Variants in DPYSL5 observed in about 807,000 individuals in gnomAD.
DPYSL5 encodes dihydropyrimidinase like 5, also known as dihydropyrimidinase-related protein 5.
In DPYSL5, 9 loss-of-function variants were observed where a neutral mutation model predicts 58.4. The ratio of observed to expected loss-of-function variants is 0.15; its 90% CI spans 0.09 to 0.27. The LOEUF (loss-of-function observed/expected upper bound fraction) is 0.27. Ranked by LOEUF, DPYSL5 falls within the 10% of genes least tolerant of loss-of-function variation. The pLI is 1.00. For missense variants in DPYSL5, 499 were observed against 770.6 expected (o/e 0.65, Z 4.17); for synonymous variants, 293 against 301.9 (o/e 0.97, Z 0.31).
In DPYSL5 at chr2:26,927,861, A is replaced by C. The variant is rs116628593; in HGVS notation, c.601-394A>C. Among the ~76,000 whole-genome samples, 738 of 152,318 alleles carry C rather than the reference A, an allele frequency of 4.8e-3. 6 individuals carry two copies. The highest frequency in any genetic ancestry group is 0.017 in the African/African-American group (701 of 41,570). ...ACCAGGAAGGATAAGCCTCTGGTGC[A>C]TTCTCCTAGGTCTTGGGGTAAGGGC... On this transcript the variant is annotated intron_variant, in intron 4 of 12. Coordinates refer to ENST00000288699, the MANE Select transcript of DPYSL5 (RefSeq NM_020134.4). This position sits in a 1 kb window ranked among gnomAD's most constrained non-coding sequence, Gnocchi z 4.3.
At chr2:26,863,645 A>G (rs1666072510) in intron 1 of DPYSL5, among the ~76,000 whole-genome samples, 1 of 152,180 alleles carries the variant, frequency 6.6e-6, no homozygotes, top group South Asian at 2.1e-4. Flanking sequence ...AGTCATCACC[A>G]TAGTCTAAAT....
intron 1 of DPYSL5, among the ~76,000 whole-genome samples, chr2:26,859,145 T>C (rs576459867): frequency 6.6e-6 from 1 of 152,230 alleles, no homozygotes; most frequent in African/African-American, 2.4e-5. Flanking sequence ...TGGAATGTAC[T>C]AGATTCCATT....
Position 26,942,496 on chromosome 2 carries a change from T to G in DPYSL5, c.1233-47T>G. On this transcript the variant is annotated intron_variant, in intron 10 of 12. Coordinates refer to ENST00000288699, the MANE Select transcript of DPYSL5 (RefSeq NM_020134.4). This position sits in a 1 kb window ranked among gnomAD's most constrained non-coding sequence, Gnocchi z 5.9. ...ACCCCTCCCATGGAGCTGTGACATT[T>G]TGACCTGTCCTCAGCGCTTTCTCTC... The G allele has an allele frequency of 6.4e-7, 1 of 1,573,228 alleles. No individual in the cohort carries two copies. Among genetic ancestry groups the G allele is most frequent in the Non-Finnish European group, 8.7e-7 (1 of 1,155,706 alleles).
At chr2:26,860,385 G>C (rs776013769) in intron 1 of DPYSL5, among the ~76,000 whole-genome samples, 1 of 152,214 alleles carries the variant, frequency 6.6e-6, no homozygotes, top group Non-Finnish European at 1.5e-5. Context: ...ATGCTGTCCT[G>C]ACTGCTTTGA....
intron 2 of DPYSL5, among the ~76,000 whole-genome samples, chr2:26,912,813 C>T (rs1057232917): frequency 3.3e-5 from 5 of 152,352 alleles, no homozygotes; most frequent in Non-Finnish European, 7.3e-5. Context: ...TCTCAGTTTT[C>T]GCCCTGTAAT....
intron 1 of DPYSL5, among the ~76,000 whole-genome samples, chr2:26,864,796 G>C (rs545627918): frequency 6.6e-6 from 1 of 152,268 alleles, no homozygotes; most frequent in South Asian, 2.1e-4. Context: ...GCAGGGGAGA[G>C]GGGGACAGAC....
rs140192271 is a variant in DPYSL5 at position 26,932,856 on chromosome 2, G to A, written c.715-402G>A. ...AAGCAGCCTTCAGACAGCAGGCATCGTAATTTTAGATACAGAATACACGAC... is the reference window on the plus strand; with the variant it reads ...AAGCAGCCTTCAGACAGCAGGCATCATAATTTTAGATACAGAATACACGAC... On this transcript the variant is annotated intron_variant, in intron 6 of 12. Transcript: ENST00000288699. Among the ~76,000 whole-genome samples, 307 of 152,270 alleles carry A rather than the reference G, an allele frequency of 2.0e-3. 1 individual carries two copies. The highest frequency in any genetic ancestry group is 6.8e-3 in the African/African-American group (283 of 41,540).
At position 26,905,899 on chromosome 2, in the gene DPYSL5, G is replaced by A. The variant is rs1028784499; in HGVS notation, c.261+7139G>A. 6.6e-6 allele frequency among the ~76,000 whole-genome samples: 1 copy of A among 152,152 alleles called. No individual in the cohort carries two copies. Among genetic ancestry groups the A allele is most frequent in the Non-Finnish European group, 1.5e-5 (1 of 68,030 alleles). On this transcript the variant is annotated intron_variant, in intron 2 of 12. Coordinates refer to ENST00000288699, the MANE Select transcript of DPYSL5 (RefSeq NM_020134.4). The surrounding 1 kb of genome is among the most constrained non-coding windows in gnomAD (Gnocchi z 4.0). ...GACTAGGTCTTCGGCTCAGAGCCTC[G>A]CAAGCCGCCATCCAGGTGTCAATGG...
intron 6 of DPYSL5, among the ~76,000 whole-genome samples, chr2:26,932,207 GA>G (rs111866761): frequency 0.011 from 400 of 35,656 alleles, 12 homozygotes; most frequent in African/African-American, 0.015. Flanking sequence ...AAGAAAGAAA[GA>G]AAAGAAAGAA....
chr2:26,868,657 T>C (rs1169549595), intron 1 of DPYSL5, among the ~76,000 whole-genome samples: 1 of 152,242 alleles, frequency 6.6e-6, no homozygotes, highest in Non-Finnish European at 1.5e-5. Flanking sequence ...CCAAGCACTC[T>C]ATTCTGCTCT....
At position 26,942,209 on chromosome 2, in the gene DPYSL5, T is replaced by TG. The variant is rs1449870525; in HGVS notation, c.1232+119dup. 8.9e-6 allele frequency: 13 copies of TG among 1,463,026 alleles called. No individual in the cohort carries two copies. Among genetic ancestry groups the TG allele is most frequent in the African/African-American group, 2.8e-5 (2 of 70,692 alleles). 90.6% of individuals were successfully genotyped at this position (1,463,026 alleles called of 1,614,324 possible). ...CTATTTCTAGCACAAAATATGGCCC[T>TG]GGCCTACCGTTGGCCATCTTCTCCC... On this transcript the variant is annotated intron_variant, in intron 10 of 12. Transcript: ENST00000288699. This position sits in a 1 kb window ranked among gnomAD's most constrained non-coding sequence, Gnocchi z 5.9.
intron 1 of DPYSL5, among the ~76,000 whole-genome samples, chr2:26,869,478 C>T (rs912820224): frequency 3.9e-5 from 6 of 152,142 alleles, no homozygotes; most frequent in African/African-American, 1.4e-4. Context: ...CACCCCCAGC[C>T]CTAGGCAGCC....
In DPYSL5 at chr2:26,934,582, G is replaced by A. The variant is rs778825787; in HGVS notation, c.795G>A (p.Lys265=). The A allele has an allele frequency of 1.2e-6, 2 of 1,612,174 alleles. No homozygotes were observed. Among genetic ancestry groups the A allele is most frequent in the Non-Finnish European group, 1.7e-6 (2 of 1,179,686 alleles). The change falls in exon 8 of 13, where the codon AAG becomes AAA. Residue 265 remains lysine, a synonymous_variant. Coordinates refer to ENST00000288699, the MANE Select transcript of DPYSL5 (RefSeq NM_020134.4). This position sits in a 1 kb window ranked among gnomAD's most constrained non-coding sequence, Gnocchi z 4.3. ...TTCTGACCTTTCTTCTTCCAGGGAA[G>A]GTTGTGCTGGCGGAGACCACCACTG... ...DVIAAAKMQG[K]VVLAETTTAH... is the part of the protein sequence containing the mutation.
chr2:26,865,266 A>G (rs963401980), intron 1 of DPYSL5, among the ~76,000 whole-genome samples: 8 of 148,638 alleles, frequency 5.4e-5, no homozygotes, highest in African/African-American at 2.0e-4. Context: ...TCCTAACTGT[A>G]GAGTCCTCTG....
intron 1 of DPYSL5, among the ~76,000 whole-genome samples, chr2:26,882,402 T>C (rs917268228): frequency 6.7e-6 from 1 of 149,926 alleles, no homozygotes; most frequent in African/African-American, 2.5e-5. Context: ...CACACCACCA[T>C]GCCCAGCTTA....
intron 2 of DPYSL5, among the ~76,000 whole-genome samples, chr2:26,915,440 T>G (rs1664538175): frequency 6.6e-6 from 1 of 152,156 alleles, no homozygotes; most frequent in Non-Finnish European, 1.5e-5. Context: ...CGCTCTGAGC[T>G]CCAAACCAAA....
In DPYSL5 at chr2:26,875,897, C is replaced by T. The variant is rs1572681567; in HGVS notation, c.-4-22599C>T. On this transcript the variant is annotated intron_variant, in intron 1 of 12. Coordinates refer to ENST00000288699, the MANE Select transcript of DPYSL5 (RefSeq NM_020134.4). ...ATGCTGGCATTCCAGATGAATTAGA[C>T]GGGCAGGCAACCCAAATTCTATTAC... Among the ~76,000 whole-genome samples, 4 of 152,176 alleles carry T rather than the reference C, an allele frequency of 2.6e-5. No individual in the cohort carries two copies. In the South Asian group the frequency reaches 6.2e-4, roughly 24 times the overall value.
chr2:26,869,952 A>C (rs751065084), intron 1 of DPYSL5, among the ~76,000 whole-genome samples: 1 of 152,230 alleles, frequency 6.6e-6, no homozygotes, highest in Non-Finnish European at 1.5e-5. Flanking sequence ...CGGAGGTTGC[A>C]GTGAGCTGAG....
At chr2:26,931,536 C>T in intron 5 of DPYSL5, 104 bp from the exon 6 acceptor site, 1 of 1,438,986 alleles carries the variant, frequency 6.9e-7, no homozygotes, top group Non-Finnish European at 9.7e-7. Context: ...TGCCCCGAGC[C>T]AACCCCTATG....
Sources: allele counts gnomAD v4.1 joint callset (sites outside exome capture counted in the v4.1 genomes callset), GRCh38; gene constraint gnomAD v4.1.1; non-coding constraint Gnocchi (gnomAD v3.1); transcripts MANE v1.5; gene names NCBI Gene and HGNC (gene_info 2026-07-23, HGNC 2026-07-21).